WAC: variants seen among roughly 807,000 people sequenced by gnomAD.
The protein encoded by WAC is WW domain containing adaptor with coiled-coil, also known as WW domain-containing adapter protein with coiled-coil.
Under a neutral mutation model 79.6 loss-of-function variants are expected in WAC, and 11 were observed. That is an observed-to-expected ratio of 0.14 (90% CI 0.09 to 0.23). The LOEUF is 0.23. Ranked by LOEUF, WAC falls within the 10% of genes least tolerant of loss-of-function variation. WAC has a pLI of 1.00. For missense variants in WAC, 728 were observed against 773.5 expected (o/e 0.94, Z 0.70); for synonymous variants, 304 against 276.9 (o/e 1.10, Z -0.97).
intron 4 of WAC, chr10:28,589,060 T>TA (rs1429904167): frequency 3.9e-5 from 6 of 152,338 alleles, no homozygotes; most frequent in African/African-American, 7.2e-5. Context: ...TTCATTATGT[T>TA]ACGTTGTCTA....
At chr10:28,596,927 A>G (rs1156624898) in intron 7 of WAC, among the ~76,000 whole-genome samples, 3 of 152,164 alleles carry the variant, frequency 2.0e-5, no homozygotes, top group Non-Finnish European at 4.4e-5. Flanking sequence ...TCCTTGAACT[A>G]CAGTGTGATT....
At chr10:28,546,149 A>G (rs374935338) in intron 3 of WAC, among the ~76,000 whole-genome samples, 6 of 152,238 alleles carry the variant, frequency 3.9e-5, no homozygotes, top group African/African-American at 1.2e-4. Context: ...GACAGTGCCA[A>G]AAGAGCATGA....
chr10:28,558,410 G>T (rs771565530), intron 3 of WAC, among the ~76,000 whole-genome samples: 4 of 152,046 alleles, frequency 2.6e-5, no homozygotes, highest in African/African-American at 4.8e-5. Context: ...TTGAGCAGTT[G>T]CCTTATTTGG....
At chr10:28,538,788 A>G (rs994707592) in intron 3 of WAC, among the ~76,000 whole-genome samples, 2 of 149,394 alleles carry the variant, frequency 1.3e-5, no homozygotes, top group African/African-American at 4.9e-5. Context: ...GCTTGAGCCC[A>G]GGAGTTTGAG....
chr10:28,533,817 C>A, intron 1 of WAC, 181 bp from the exon 2 acceptor site: 1 of 999,100 alleles, frequency 1.0e-6, no homozygotes, highest in Non-Finnish European at 1.4e-6. Context: ...GGCTTCGCGG[C>A]ATTTCGCCCT....
At chr10:28,614,848 A>C (rs190848035) in intron 11 of WAC, 163 bp downstream of exon 11, 1 of 539,718 alleles carries the variant, frequency 1.9e-6, no homozygotes, top group Non-Finnish European at 3.2e-6. Flanking sequence ...ACCTGTATAC[A>C]AGAGGTAGGT....
chr10:28,602,225 A>G (rs1840679099), intron 7 of WAC, among the ~76,000 whole-genome samples: 1 of 152,210 alleles, frequency 6.6e-6, no homozygotes, highest in Admixed American at 6.5e-5. Context: ...CACTTTAGCA[A>G]AATCTGTTGG....
chr10:28,545,267 G>A (rs1177320001), intron 3 of WAC, among the ~76,000 whole-genome samples: 6 of 152,060 alleles, frequency 3.9e-5, no homozygotes, highest in South Asian at 2.1e-4. Flanking sequence ...CGAGGAGGGC[G>A]GATCACCTAA....
intron 3 of WAC, among the ~76,000 whole-genome samples, chr10:28,567,119 A>G (rs2132523783): frequency 6.6e-6 from 1 of 150,536 alleles, no homozygotes; most frequent in East Asian, 1.9e-4. Context: ...TTCTTTTGCT[A>G]CTTCTAATGT....
At chr10:28,541,401 T>TTGGG (rs1554777897) in intron 3 of WAC, among the ~76,000 whole-genome samples, 16 of 97,412 alleles carry the variant, frequency 1.6e-4, no homozygotes, top group African/African-American at 3.8e-4. Context: ...TTTTGTGGGG[T>TTGGG]TGTGTGTGTG....
chr10:28,580,185 T>G (rs897279884), intron 3 of WAC, among the ~76,000 whole-genome samples: 3 of 152,210 alleles, frequency 2.0e-5, no homozygotes, highest in African/African-American at 7.2e-5. Context: ...CCTTGATGCT[T>G]ATGACTTGAT....
At chr10:28,544,907 T>TA (rs948011169) in intron 3 of WAC, among the ~76,000 whole-genome samples, 7 of 151,880 alleles carry the variant, frequency 4.6e-5, no homozygotes, top group Non-Finnish European at 8.8e-5. Context: ...CTACTAAAAA[T>TA]ACAAAAATTA....
At chr10:28,603,806 C>A (rs576596304) in intron 7 of WAC, among the ~76,000 whole-genome samples, 1 of 150,634 alleles carries the variant, frequency 6.6e-6, no homozygotes, top group African/African-American at 2.4e-5. Flanking sequence ...AGGTGGCAGG[C>A]GCCTGTAGTC....
intron 3 of WAC, among the ~76,000 whole-genome samples, chr10:28,560,350 G>C (rs1838232689): frequency 6.6e-6 from 1 of 152,156 alleles, no homozygotes; most frequent in East Asian, 1.9e-4. Flanking sequence ...AACAAAGCGA[G>C]ATCCTGTCGG....
intron 3 of WAC, among the ~76,000 whole-genome samples, chr10:28,571,796 C>G (rs1197471227): frequency 3.3e-5 from 5 of 152,186 alleles, no homozygotes; most frequent in Non-Finnish European, 7.4e-5. Context: ...GTACCTGCCT[C>G]TGTTTCTTTT....
chr10:28,542,711 T>TAG (rs1227532127), intron 3 of WAC, among the ~76,000 whole-genome samples: 1 of 152,184 alleles, frequency 6.6e-6, no homozygotes, highest in Non-Finnish European at 1.5e-5. Flanking sequence ...AGATAGCTAT[T>TAG]AGATGTTTGA....
At position 28,580,950 on chromosome 10, in the gene WAC, A is replaced by G. The variant is rs149747706; in HGVS notation, c.275-2449A>G. Reference sequence around the variant, plus strand: ...GGACAGGTGCAAAGAGAAAAGGCACATGGGGCAAAATCTGAAGGAATCCAG... The same window carrying G: ...GGACAGGTGCAAAGAGAAAAGGCACGTGGGGCAAAATCTGAAGGAATCCAG... On this transcript the variant is annotated intron_variant, in intron 3 of 13. Coordinates refer to ENST00000354911, the MANE Select transcript of WAC (RefSeq NM_016628.5). Among the ~76,000 whole-genome samples, 304 of 152,284 alleles carry G rather than the reference A, an allele frequency of 2.0e-3. 1 individual carries two copies. The highest frequency in any genetic ancestry group is 3.6e-3 in the Non-Finnish European group (242 of 68,014).
intron 7 of WAC, among the ~76,000 whole-genome samples, chr10:28,606,986 A>G (rs1840988404): frequency 1.3e-5 from 2 of 152,160 alleles, no homozygotes; most frequent in Non-Finnish European, 2.9e-5. Context: ...GTAAAGGGTT[A>G]TGTTGCTTTA....
rs961721042 is a variant in WAC, at chr10:28,533,160, A to AGCGGCG, written c.-406_-401dup. On this transcript the variant is annotated 5_prime_UTR_variant, in exon 1 of 14. Coordinates refer to ENST00000354911, the MANE Select transcript of WAC (RefSeq NM_016628.5). Reference sequence around the variant, plus strand: ...TTGGTGGAGCGGCAGCGGCGGCACCAGCGGCGGCGGCGGCGGCGGGAGGAG... The same window carrying AGCGGCG: ...TTGGTGGAGCGGCAGCGGCGGCACCAGCGGCGGCGGCGGCGGCGGCGGCGGGAGGAG... Among the ~76,000 whole-genome samples, 45 of 149,548 alleles carry AGCGGCG rather than the reference A, an allele frequency of 3.0e-4. No homozygotes were observed. Among genetic ancestry groups the AGCGGCG allele is most frequent in the East Asian group, 2.0e-3 (10 of 5,108 alleles).
Sources: allele counts gnomAD v4.1 joint callset (sites outside exome capture counted in the v4.1 genomes callset), GRCh38; gene constraint gnomAD v4.1.1; transcripts MANE v1.5; gene names NCBI Gene and HGNC (gene_info 2026-07-23, HGNC 2026-07-21).